The following COPG2 variants were observed in gnomAD, a reference collection of about 807,000 sequenced individuals.
COPG2 encodes coat protein complex I subunit gamma 2.
In COPG2, 37 loss-of-function variants were observed where a neutral mutation model predicts 46.3. The observed-to-expected ratio is 0.80, with a 90% CI of 0.61 to 1.05. The LOEUF is 1.05. Among genes scored for constraint, COPG2 ranks in the 50% least tolerant of loss-of-function variants. The pLI is 0.00. For synonymous variants in COPG2, 159 were observed against 129.7 expected, an observed-to-expected ratio of 1.23 and a Z score of -1.53; for missense variants, 427 against 387.8, an observed-to-expected ratio of 1.10 and a Z score of -0.85.
chr7:130,607,010 G>T (rs1401318145), intron 9 of COPG2, among the ~76,000 whole-genome samples: 1 of 152,110 alleles, frequency 6.6e-6, no homozygotes, highest in Non-Finnish European at 1.5e-5. Flanking sequence ...GGAGGCTGAG[G>T]CAGATTGATT....
chr7:130,507,708 A>T lies in COPG2; in HGVS notation c.2363T>A (p.Leu788His). The T allele has an allele frequency of 1.3e-6, 1 of 780,460 alleles. No individual in the cohort carries two copies. Among genetic ancestry groups the T allele is most frequent in the Non-Finnish European group, 2.4e-6 (1 of 417,844 alleles). 48.3% of individuals were successfully genotyped at this position (780,460 alleles called of 1,614,324 possible). Reference protein sequence around the residue: ...DTFEKEETFALSSTKTLEEAV... With the variant: ...DTFEKEETFAHSSTKTLEEAV... Reference sequence around the variant, plus strand: ...ACCTTCAAGGGTTTTGGTAGAACTGAGGGCAAAGGTTTCCTCTTTCTCAAA... The same window carrying T: ...ACCTTCAAGGGTTTTGGTAGAACTGTGGGCAAAGGTTTCCTCTTTCTCAAA... The change falls in exon 22 of 24, where the codon CTC (leucine) becomes CAC (histidine). Residue 788 changes from leucine to histidine, a missense_variant. Physicochemically the swap from Leu to His is moderately conservative, Grantham distance 99 (BLOSUM62 -3). Transcript: ENST00000425248.
chr7:130,511,629 C>A (rs781786227), intron 20 of COPG2: 1 of 517,356 alleles, frequency 1.9e-6, no homozygotes, highest in East Asian at 5.5e-5. Context: ...GGTAAGACAG[C>A]ATTGCTGGGC....
intron 20 of COPG2, among the ~76,000 whole-genome samples, chr7:130,531,718 G>C (rs1279533279): frequency 1.3e-5 from 2 of 151,980 alleles, no homozygotes; most frequent in Non-Finnish European, 2.9e-5. Flanking sequence ...ATTTGATTAA[G>C]AAGTTAAAGG....
rs891953242 is a variant in COPG2, at chr7:130,533,048, C to T, written c.2149+14626G>A. On this transcript the variant is annotated intron_variant, in intron 20 of 23. Coordinates refer to ENST00000425248, the MANE Select transcript of COPG2 (RefSeq NM_012133.6). ...GAGAGCAGAGGGTGAGTTTGCAGCA[C>T]GTGGAAAAGCAGGACAGAGGAGAGG... Among the ~76,000 whole-genome samples, 255 of 151,980 alleles carry T rather than the reference C, an allele frequency of 1.7e-3. 2 individuals are homozygous for T. The highest frequency in any genetic ancestry group is 4.7e-4 in the Non-Finnish European group (32 of 67,972).
In COPG2 at chr7:130,659,151, C is replaced by G. The variant is rs1447724658; in HGVS notation, c.243+3816G>C. Among the ~76,000 whole-genome samples, 4 of 151,650 alleles carry G rather than the reference C, an allele frequency of 2.6e-5. No individual in the cohort carries two copies. In the South Asian group the frequency reaches 8.4e-4, roughly 32 times the overall value. On this transcript the variant is annotated intron_variant, in intron 4 of 23. Coordinates refer to ENST00000425248, the MANE Select transcript of COPG2 (RefSeq NM_012133.6). ...CGGGCGGATCACAAGGTCAGCAGAT[C>G]GAGACCATCCTGGCTAACACAGTGA...
At chr7:130,510,913 C>T (rs375114705) in intron 20 of COPG2, 1 of 519,770 alleles carries the variant, frequency 1.9e-6, no homozygotes, top group Non-Finnish European at 3.8e-6. Flanking sequence ...GAGAGTTACA[C>T]AGACAAAGCA....
intron 7 of COPG2, among the ~76,000 whole-genome samples, chr7:130,612,493 C>A (rs914847749): frequency 6.6e-6 from 1 of 152,080 alleles, no homozygotes. Context: ...AGAGGAAGAA[C>A]AGGATAGGGA....
intron 20 of COPG2, chr7:130,510,024 A>G (rs1214632366): frequency 5.9e-6 from 3 of 506,430 alleles, no homozygotes; most frequent in Non-Finnish European, 1.2e-5. Flanking sequence ...GGTGCTGAGA[A>G]GATAATTTGT....
At chr7:130,514,662 G>A (rs4131539) in intron 20 of COPG2, among the ~76,000 whole-genome samples, 65,837 of 151,946 alleles carry the variant, frequency 0.43, 16,916 homozygotes, top group East Asian at 0.57. Flanking sequence ...AAAGGAATAG[G>A]AGAAAACATT....
intron 3 of COPG2, among the ~76,000 whole-genome samples, chr7:130,665,559 A>G (rs1554461322): frequency 6.6e-6 from 1 of 152,200 alleles, no homozygotes; most frequent in Non-Finnish European, 1.5e-5. Flanking sequence ...CACAACAACT[A>G]TTTACACAGC....
At chr7:130,647,144 G>A (rs572449027) in intron 5 of COPG2, among the ~76,000 whole-genome samples, 152 of 151,780 alleles carry the variant, frequency 1.0e-3, no homozygotes, top group African/African-American at 3.2e-3. Context: ...AGGTTCAAGC[G>A]ACTCTCCTGT....
chr7:130,656,172 T>A (rs1554459886), intron 4 of COPG2, among the ~76,000 whole-genome samples: 2 of 152,110 alleles, frequency 1.3e-5, no homozygotes, highest in African/African-American at 4.8e-5. Context: ...TTTCTCTTCC[T>A]CTTTTTTTCC....
rs1406927728 is a variant in COPG2 at position 130,561,206 on chromosome 7, G to C, written c.955C>G (p.Pro319Ala). 7.5e-6 allele frequency: 3 copies of C among 398,362 alleles called. No individual in the cohort carries two copies. Among genetic ancestry groups the C allele is most frequent in the Non-Finnish European group, 1.3e-5 (3 of 226,030 alleles). The allele number at this position is 398,362 out of a possible 1,614,324, so 24.7% of individuals were successfully genotyped here. The change falls in exon 12 of 24, where the codon CCC becomes GCC. Residue 319 changes from proline to alanine, a missense_variant. By Grantham distance (27) the Pro-to-Ala change is conservative. Coordinates refer to ENST00000425248, the MANE Select transcript of COPG2 (RefSeq NM_012133.6). ...AGATTGCAGGCAGTAACAGCAGAGG[G>C]GTGCTTCATTGCCACCTTGTGGAAG... is the stretch of plus-strand genomic sequence containing the variant. Reference protein sequence around the residue: ...RTLNKVAMKHPSAVTACNLDL... With the variant: ...RTLNKVAMKHASAVTACNLDL...
chr7:130,508,026 C>A, intron 21 of COPG2: 1 of 538,076 alleles, frequency 1.9e-6, no homozygotes, highest in Non-Finnish European at 3.3e-6. Context: ...AGCCTCAGAT[C>A]AACATCTGTA....
chr7:130,533,002 G>C (rs1375040000), intron 20 of COPG2, among the ~76,000 whole-genome samples: 1 of 152,088 alleles, frequency 6.6e-6, no homozygotes, highest in Non-Finnish European at 1.5e-5. Context: ...GACCAACCTA[G>C]GCCCAGGAGC....
chr7:130,530,501 G>A (rs1799813628), intron 20 of COPG2, among the ~76,000 whole-genome samples: 1 of 152,240 alleles, frequency 6.6e-6, no homozygotes, highest in African/African-American at 2.4e-5. Flanking sequence ...TTGAAGAGAA[G>A]GTGGGATAGA....
At chr7:130,513,301 AAAAAAAAATATATATAT>A (rs1395235987) in intron 20 of COPG2, among the ~76,000 whole-genome samples, 4 of 45,018 alleles carry the variant, frequency 8.9e-5, no homozygotes, top group African/African-American at 4.3e-4. Context: ...AAAAAAAAAA[AAAAAAAAATATATATAT>A]ATATATATAT....
chr7:130,579,429 A>G (rs1584981496), intron 9 of COPG2, among the ~76,000 whole-genome samples: 1 of 151,080 alleles, frequency 6.6e-6, no homozygotes, highest in East Asian at 1.9e-4. Flanking sequence ...ACTAGGAAGA[A>G]ACTGCATCAA....
chr7:130,666,724 C>T (rs957834212), intron 3 of COPG2, 125 bp downstream of exon 3: 13 of 602,672 alleles, frequency 2.2e-5, no homozygotes, highest in African/African-American at 1.1e-4. Flanking sequence ...GTTAACCAAA[C>T]GTTGTATATG....
Sources: allele counts gnomAD v4.1 joint callset (sites outside exome capture counted in the v4.1 genomes callset), GRCh38; gene constraint gnomAD v4.1.1; transcripts MANE v1.5; gene names NCBI Gene and HGNC (gene_info 2026-07-23, HGNC 2026-07-21).